The following PRKCA variants were observed in gnomAD, a reference collection of about 807,000 sequenced individuals.
The protein encoded by PRKCA is protein kinase C alpha.
PRKCA carries 27 observed loss-of-function variants against 87.0 expected under a neutral mutation model. The ratio of observed to expected loss-of-function variants is 0.31; its 90% confidence interval spans 0.23 to 0.43. PRKCA has a LOEUF of 0.43. Among genes scored for constraint, PRKCA ranks in the 20% least tolerant of loss-of-function variants. The pLI is 1.00. For missense variants in PRKCA, 518 were observed against 852.3 expected (o/e 0.61, Z 4.88); for synonymous variants, 329 against 311.1 (o/e 1.06, Z -0.61).
intron 3 of PRKCA, among the ~76,000 whole-genome samples, chr17:66,615,823 G>A (rs1970502668): frequency 2.6e-5 from 4 of 152,162 alleles, no homozygotes. Flanking sequence ...GAACATAAGG[G>A]AAGGGATTTC....
intron 1 of PRKCA, among the ~76,000 whole-genome samples, chr17:66,303,550 T>C (rs1308105668): frequency 1.3e-5 from 2 of 151,974 alleles, no homozygotes; most frequent in Non-Finnish European, 2.9e-5. Context: ...TGCGCTGGCA[T>C]CTTGGGCCCC....
At chr17:66,534,277 C>G (rs1221495017) in intron 3 of PRKCA, among the ~76,000 whole-genome samples, 1 of 152,098 alleles carries the variant, frequency 6.6e-6, no homozygotes, top group African/African-American at 2.4e-5. Context: ...ATTCCATTGT[C>G]TTCTGTGTAT....
chr17:66,535,968 C>T (rs928339699), intron 3 of PRKCA, among the ~76,000 whole-genome samples: 1 of 152,170 alleles, frequency 6.6e-6, no homozygotes, highest in African/African-American at 2.4e-5. Context: ...CTTTCTTTCC[C>T]CTCCTTATTC....
At chr17:66,558,505 C>T (rs1344405671) in intron 3 of PRKCA, among the ~76,000 whole-genome samples, 2 of 152,022 alleles carry the variant, frequency 1.3e-5, no homozygotes, top group Admixed American at 6.6e-5. Flanking sequence ...CTAGAGCACC[C>T]GGGGCAAAGG....
At chr17:66,493,054 T>C (rs1916312142) in intron 2 of PRKCA, among the ~76,000 whole-genome samples, 1 of 152,220 alleles carries the variant, frequency 6.6e-6, no homozygotes, top group African/African-American at 2.4e-5. Flanking sequence ...CCTGTTTGGT[T>C]ATCTGGCTCT....
intron 13 of PRKCA, among the ~76,000 whole-genome samples, chr17:66,764,573 T>C (rs1417833983): frequency 1.3e-5 from 2 of 152,338 alleles, no homozygotes; most frequent in South Asian, 2.1e-4. Context: ...CCCCAAGCAG[T>C]TGGCTCTTGT....
chr17:66,669,589 A>C (rs1172447226), intron 5 of PRKCA, among the ~76,000 whole-genome samples: 1 of 152,208 alleles, frequency 6.6e-6, no homozygotes, highest in Non-Finnish European at 1.5e-5. Flanking sequence ...AAAATTAACC[A>C]AAAGAAGTCT....
intron 3 of PRKCA, among the ~76,000 whole-genome samples, chr17:66,511,165 A>G (rs1397320393): frequency 1.3e-5 from 2 of 151,974 alleles, no homozygotes; most frequent in Non-Finnish European, 2.9e-5. Flanking sequence ...ATTCCTCCTC[A>G]TCCCTTTTTC....
At chr17:66,311,557 C>A (rs1293146543) in intron 2 of PRKCA, among the ~76,000 whole-genome samples, 2 of 152,124 alleles carry the variant, frequency 1.3e-5, no homozygotes, top group African/African-American at 4.8e-5. Context: ...GTCGAGGATG[C>A]AATGAGGTGT....
chr17:66,476,056 C>T (rs1567848318), intron 2 of PRKCA, among the ~76,000 whole-genome samples: 1 of 152,042 alleles, frequency 6.6e-6, no homozygotes, highest in Non-Finnish European at 1.5e-5. Flanking sequence ...TGCCACCAGG[C>T]CTGGCTAATT....
At chr17:66,658,491 A>AAACAACAACAAC (rs61208838) in intron 5 of PRKCA, among the ~76,000 whole-genome samples, 1 of 150,266 alleles carries the variant, frequency 6.7e-6, no homozygotes, top group African/African-American at 2.5e-5. Flanking sequence ...CTGTCTTCAA[A>AAACAACAACAAC]AACAACAACA....
At chr17:66,378,100 A>G (rs867451854) in intron 2 of PRKCA, among the ~76,000 whole-genome samples, 48 of 152,216 alleles carry the variant, frequency 3.2e-4, no homozygotes, top group Middle Eastern at 3.4e-3. Flanking sequence ...AAGTGGGTGG[A>G]TCACCTGAGG....
chr17:66,592,885 T>C (rs1013990981), intron 3 of PRKCA, among the ~76,000 whole-genome samples: 4 of 152,168 alleles, frequency 2.6e-5, no homozygotes, highest in African/African-American at 4.8e-5. Flanking sequence ...TTCCATCTCC[T>C]GGGTTCAAGC....
intron 2 of PRKCA, among the ~76,000 whole-genome samples, chr17:66,372,181 C>T (rs1242685505): frequency 6.6e-6 from 1 of 152,096 alleles, no homozygotes; most frequent in Non-Finnish European, 1.5e-5. Context: ...CTAGATGGGA[C>T]CCAGGAATCT....
chr17:66,409,274 A>G (rs1056833938), intron 2 of PRKCA, among the ~76,000 whole-genome samples: 1 of 151,982 alleles, frequency 6.6e-6, no homozygotes, highest in African/African-American at 2.4e-5. Flanking sequence ...CACTTGTTGA[A>G]AGTCTTGGAT....
chr17:66,623,522 G>A (rs950189304), intron 3 of PRKCA, among the ~76,000 whole-genome samples: 4 of 152,058 alleles, frequency 2.6e-5, no homozygotes, highest in East Asian at 1.9e-4. Flanking sequence ...AGAGTGTGCC[G>A]TGCCTTGGGA....
At chr17:66,514,305 T>C (rs894096973) in intron 3 of PRKCA, among the ~76,000 whole-genome samples, 2 of 152,172 alleles carry the variant, frequency 1.3e-5, no homozygotes, top group Non-Finnish European at 2.9e-5. Flanking sequence ...CATGTAATTC[T>C]CTTGAAATAT....
At chr17:66,367,207 A>G (rs532457306) in intron 2 of PRKCA, among the ~76,000 whole-genome samples, 1 of 152,388 alleles carries the variant, frequency 6.6e-6, no homozygotes, top group East Asian at 1.9e-4. Context: ...ATGGAAACAA[A>G]AAGTGTGCTT....
chr17:66,512,350 G>T, intron 3 of PRKCA, among the ~76,000 whole-genome samples: 1 of 152,222 alleles, frequency 6.6e-6, no homozygotes, highest in East Asian at 1.9e-4. Context: ...GCTGAGGCAG[G>T]AGAATTGCTT....
Sources: allele counts gnomAD v4.1 joint callset (sites outside exome capture counted in the v4.1 genomes callset), GRCh38; gene constraint gnomAD v4.1.1; transcripts MANE v1.5; gene names NCBI Gene and HGNC (gene_info 2026-07-23, HGNC 2026-07-21).